The following PTPRG variants were observed in gnomAD, a reference collection of about 807,000 sequenced individuals.
PTPRG encodes the protein receptor-type tyrosine-protein phosphatase gamma.
Under a neutral mutation model 165.3 loss-of-function variants are expected in PTPRG, and 102 were observed. That is an observed-to-expected ratio of 0.62 (90% confidence interval 0.53 to 0.73). The LOEUF is 0.73. PTPRG is among the 30% of genes least tolerant of loss of function. The probability of loss-of-function intolerance (pLI) is 0.00; values close to 1 mark genes in which losing one functional copy is unlikely to be tolerated. For synonymous variants in PTPRG, 675 were observed against 669.5 expected (o/e 1.01, Z -0.13); for missense variants, 1,866 against 1,861.4 (o/e 1.00, Z -0.05).
chr3:61,965,307 G>A (rs1376731947), intron 2 of PTPRG, among the ~76,000 whole-genome samples: 1 of 150,860 alleles, frequency 6.6e-6, no homozygotes, highest in Non-Finnish European at 1.5e-5. Flanking sequence ...ACCCAACATG[G>A]TGAAACCCCG....
At chr3:61,763,221 T>A (rs1388771006) in intron 2 of PTPRG, among the ~76,000 whole-genome samples, 2 of 151,942 alleles carry the variant, frequency 1.3e-5, no homozygotes, top group Non-Finnish European at 2.9e-5. Flanking sequence ...TACCTATACC[T>A]ACCCTTGTCA....
intron 4 of PTPRG, among the ~76,000 whole-genome samples, chr3:62,040,434 G>A (rs1242766784): frequency 6.6e-6 from 1 of 152,202 alleles, no homozygotes; most frequent in Non-Finnish European, 1.5e-5. Context: ...TCTTCAAAGA[G>A]TTTATTCGAA....
chr3:62,034,620 C>G (rs12497508), intron 4 of PTPRG, among the ~76,000 whole-genome samples: 17,264 of 152,250 alleles, frequency 0.11, 1,249 homozygotes, highest in Admixed American at 0.21. Flanking sequence ...TTCTTACCAG[C>G]TGGTATACAT....
chr3:61,945,819 A>G (rs1402995046), intron 2 of PTPRG, among the ~76,000 whole-genome samples: 1 of 152,158 alleles, frequency 6.6e-6, no homozygotes, highest in African/African-American at 2.4e-5. Flanking sequence ...TAAAATGAAT[A>G]CTGACAGTGA....
At chr3:61,775,086 G>A (rs1252487216) in intron 2 of PTPRG, among the ~76,000 whole-genome samples, 1 of 151,956 alleles carries the variant, frequency 6.6e-6, no homozygotes, top group Non-Finnish European at 1.5e-5. Flanking sequence ...TGTTGTTGTT[G>A]TTGAGACAGA....
intron 1 of PTPRG, among the ~76,000 whole-genome samples, chr3:61,716,945 C>T (rs2106773253): frequency 6.6e-6 from 1 of 152,256 alleles, no homozygotes; most frequent in East Asian, 1.9e-4. Flanking sequence ...GCACTCCAGC[C>T]TGGGCAACAC....
intron 3 of PTPRG, among the ~76,000 whole-genome samples, chr3:61,990,766 A>T (rs1330859870): frequency 6.6e-6 from 1 of 152,100 alleles, no homozygotes; most frequent in Non-Finnish European, 1.5e-5. Context: ...ACCCTTTGTA[A>T]CCAAGGATGT....
At chr3:61,598,569 G>A (rs1457882781) in intron 1 of PTPRG, among the ~76,000 whole-genome samples, 2 of 152,196 alleles carry the variant, frequency 1.3e-5, no homozygotes, top group Admixed American at 6.5e-5. Flanking sequence ...TAGAGTCGGG[G>A]ACCAGTGCCC....
intron 4 of PTPRG, among the ~76,000 whole-genome samples, chr3:62,019,616 A>G (rs547616061): frequency 3.3e-5 from 5 of 152,138 alleles, no homozygotes; most frequent in Admixed American, 6.5e-5. Flanking sequence ...GTATACTTGA[A>G]AATTGCTAAG....
chr3:62,232,510 A>G (rs897088880), intron 14 of PTPRG, among the ~76,000 whole-genome samples: 6 of 152,262 alleles, frequency 3.9e-5, no homozygotes, highest in African/African-American at 1.4e-4. Context: ...CTTAACTGTC[A>G]TACCCAGTCC....
rs138137318 is a variant in PTPRG, at chr3:61,684,112, C to T, written c.86-64766C>T. 5.9e-3 allele frequency among the ~76,000 whole-genome samples: 898 copies of T among 152,302 alleles called. 10 individuals carry two copies. Among genetic ancestry groups the T allele is most frequent in the African/African-American group, 0.02 (835 of 41,564 alleles). ...TTTGCCACTGTTGTCTCCTTTGTCT[C>T]GTATAGGCTATCAGAGATGTTTCCT... On this transcript the variant is annotated intron_variant, in intron 1 of 29. Coordinates refer to ENST00000474889, the MANE Select transcript of PTPRG (RefSeq NM_002841.4).
chr3:61,817,292 T>A (rs1019299209), intron 2 of PTPRG, among the ~76,000 whole-genome samples: 2 of 64,222 alleles, frequency 3.1e-5, no homozygotes, highest in East Asian at 1.1e-3. Flanking sequence ...ATCACTGAAA[T>A]TTTTTTTTAA....
At chr3:62,206,432 G>A (rs9848781) in intron 12 of PTPRG, among the ~76,000 whole-genome samples, 3,409 of 152,150 alleles carry the variant, frequency 0.022, 132 homozygotes, top group African/African-American at 0.077. Flanking sequence ...CCGTGTCCTC[G>A]TTTGCAAAGT....
At chr3:62,061,955 T>G (rs1700828447) in intron 4 of PTPRG, among the ~76,000 whole-genome samples, 1 of 151,768 alleles carries the variant, frequency 6.6e-6, no homozygotes, top group South Asian at 2.1e-4. Context: ...GATGCCAAGG[T>G]TGCTGCTTTT....
At chr3:61,795,059 C>G (rs2035002905) in intron 2 of PTPRG, among the ~76,000 whole-genome samples, 1 of 152,162 alleles carries the variant, frequency 6.6e-6, no homozygotes, top group South Asian at 2.1e-4. Context: ...ATTCCTGACA[C>G]AGTGTCAAGT....
chr3:62,267,971 G>T (rs1701938392), intron 19 of PTPRG, 152 bp downstream of exon 19: 17 of 924,956 alleles, frequency 1.8e-5, no homozygotes, highest in Non-Finnish European at 2.7e-5. Flanking sequence ...TGATTCAGAA[G>T]GAAAGAGAGC....
chr3:61,820,308 C>T (rs1409554546), intron 2 of PTPRG, among the ~76,000 whole-genome samples: 1 of 152,118 alleles, frequency 6.6e-6, no homozygotes, highest in South Asian at 2.1e-4. Context: ...AACACTCAGG[C>T]AGAGAGAAGA....
intron 4 of PTPRG, among the ~76,000 whole-genome samples, chr3:62,042,669 C>T (rs574407859): frequency 1.3e-5 from 2 of 152,182 alleles, no homozygotes. Flanking sequence ...AGTTCCTCTA[C>T]TAGGTGTTCC....
chr3:61,668,084 T>A (rs1575576251), intron 1 of PTPRG, among the ~76,000 whole-genome samples: 1 of 152,252 alleles, frequency 6.6e-6, no homozygotes, highest in East Asian at 1.9e-4. Context: ...TTGCCAAGCC[T>A]AAAATATTTA....
Sources: allele counts gnomAD v4.1 joint callset (sites outside exome capture counted in the v4.1 genomes callset), GRCh38; gene constraint gnomAD v4.1.1; transcripts MANE v1.5; gene names NCBI Gene and HGNC (gene_info 2026-07-23, HGNC 2026-07-21).